CCDC102B: variants seen among roughly 807,000 people sequenced by gnomAD.
CCDC102B encodes the protein coiled-coil domain containing 102B, also known as coiled-coil domain-containing protein 102B.
Under a neutral mutation model 57.4 loss-of-function variants are expected in CCDC102B, and 75 were observed. The observed-to-expected ratio is 1.31, with a 90% confidence interval of 1.08 to 1.58. The LOEUF (loss-of-function observed/expected upper bound fraction) is 1.58, where lower values mean the gene tolerates loss of function less well. Ranked by LOEUF, CCDC102B falls within the 40% of genes most tolerant of loss-of-function variation. CCDC102B has a pLI of 0.00. For missense variants in CCDC102B, 636 were observed against 582.6 expected (o/e 1.09, Z -0.94); for synonymous variants, 206 against 201.9 (o/e 1.02, Z -0.17).
chr18:68,840,905 T>C (rs1303841039), intron 3 of CCDC102B, among the ~76,000 whole-genome samples: 1 of 152,204 alleles, frequency 6.6e-6, no homozygotes, highest in Non-Finnish European at 1.5e-5. Context: ...AAGTACATTC[T>C]GCAGTTCTCA....
rs1568352489 is a variant in CCDC102B, at chr18:68,956,472, TTATATATATATAATATATATATA to T, written c.1264-54461_1264-54439del. ...ATATATTATATATTTTATATATATA[TTATATATATATAATATATATATA>T]AAATATATAATATATATATCGCATA... On this transcript the variant is annotated intron_variant, in intron 6 of 7. Coordinates refer to ENST00000360242, the MANE Select transcript of CCDC102B (RefSeq NM_024781.3). Among the ~76,000 whole-genome samples the T allele has an allele frequency of 9.0e-4, 60 of 66,714 alleles. 3 individuals are homozygous for T. The highest frequency in any genetic ancestry group is 5.8e-3 in the African/African-American group (60 of 10,326). The allele number at this position is 66,714 out of a possible 152,430, so 43.8% of individuals were successfully genotyped here.
At chr18:68,790,573 G>A (rs1229366999) in intron 2 of CCDC102B, among the ~76,000 whole-genome samples, 1 of 152,200 alleles carries the variant, frequency 6.6e-6, no homozygotes, top group African/African-American at 2.4e-5. Context: ...CAGTATTCGG[G>A]TGGGAGTGAC....
chr18:68,911,477 G>C (rs550042388), intron 6 of CCDC102B, among the ~76,000 whole-genome samples: 1 of 150,802 alleles, frequency 6.6e-6, no homozygotes, highest in Admixed American at 6.6e-5. Flanking sequence ...AAAAGGCCGG[G>C]CGCGGTGGCT....
intron 2 of CCDC102B, among the ~76,000 whole-genome samples, chr18:68,736,752 G>A (rs1293336456): frequency 6.6e-6 from 1 of 152,016 alleles, no homozygotes; most frequent in African/African-American, 2.4e-5. Context: ...AGAATAGCAC[G>A]GGAAAGACCG....
At chr18:68,837,414 T>C in intron 2 of CCDC102B, 45 bp downstream of exon 2, 1 of 1,548,498 alleles carries the variant, frequency 6.5e-7, no homozygotes, top group Non-Finnish European at 8.7e-7. Context: ...GAAGGTCATA[T>C]ATAGTGATGG....
chr18:69,005,937 T>A (rs1198144862), intron 6 of CCDC102B, among the ~76,000 whole-genome samples: 1 of 151,876 alleles, frequency 6.6e-6, no homozygotes, highest in African/African-American at 2.4e-5. Context: ...ATTTACAGAG[T>A]TTTACATGCT....
chr18:68,821,765 G>C (rs2036700376), intron 1 of CCDC102B, among the ~76,000 whole-genome samples: 1 of 151,678 alleles, frequency 6.6e-6, no homozygotes, highest in Non-Finnish European at 1.5e-5. Context: ...ATGTTAATTA[G>C]TAACTGAAAC....
At chr18:69,012,224 T>G (rs912560053) in intron 7 of CCDC102B, among the ~76,000 whole-genome samples, 3 of 152,192 alleles carry the variant, frequency 2.0e-5, no homozygotes, top group Non-Finnish European at 4.4e-5. Flanking sequence ...TTTATTTTAT[T>G]TTAGTCATTA....
intron 7 of CCDC102B, 111 bp from the exon 8 acceptor site, chr18:69,053,919 C>G: frequency 1.2e-6 from 1 of 811,664 alleles, no homozygotes; most frequent in Admixed American, 3.4e-5. Context: ...TACTTACAAT[C>G]TATTCTCTTA....
intron 7 of CCDC102B, among the ~76,000 whole-genome samples, chr18:69,013,073 T>A (rs931387641): frequency 2.0e-5 from 3 of 152,030 alleles, no homozygotes; most frequent in African/African-American, 7.2e-5. Context: ...TGCCCCTGTA[T>A]GTTTATTACA....
chr18:69,002,730 GA>G (rs2051238161), intron 6 of CCDC102B, among the ~76,000 whole-genome samples: 1 of 151,978 alleles, frequency 6.6e-6, no homozygotes, highest in Non-Finnish European at 1.5e-5. Context: ...AGATGAAAGT[GA>G]TTTTTTTTTA....
At chr18:69,025,686 A>G (rs7239037) in intron 7 of CCDC102B, among the ~76,000 whole-genome samples, 5,341 of 152,268 alleles carry the variant, frequency 0.035, 329 homozygotes, top group African/African-American at 0.12. Flanking sequence ...AAAGGGAAAA[A>G]TATGATTCTG....
In CCDC102B at chr18:68,853,672, T is replaced by TAAAAAAAAAAAAAAAAAAAAA. The variant is rs71175201; in HGVS notation, c.936+7261_936+7281dup. On this transcript the variant is annotated intron_variant, in intron 4 of 7. Coordinates refer to ENST00000360242, the MANE Select transcript of CCDC102B (RefSeq NM_024781.3). ...CGAATTTTTCTTTATCCCCAAATTGTAAAAAAAAAAAAAAAAAAAAAAAAA... is the reference window on the plus strand; with the variant it reads ...CGAATTTTTCTTTATCCCCAAATTGTAAAAAAAAAAAAAAAAAAAAAAAAAAAAAAAAAAAAAAAAAAAAAA... Among the ~76,000 whole-genome samples the TAAAAAAAAAAAAAAAAAAAAA allele has an allele frequency of 6.6e-4, 62 of 94,642 alleles. 5 individuals are homozygous for TAAAAAAAAAAAAAAAAAAAAA. Among genetic ancestry groups the TAAAAAAAAAAAAAAAAAAAAA allele is most frequent in the African/African-American group, 1.0e-3 (22 of 21,346 alleles). 62.1% of individuals were successfully genotyped at this position (94,642 alleles called of 152,430 possible). A position where few individuals can be genotyped will look rare whatever the true frequency, so the allele number is the denominator to read the frequency against.
In CCDC102B at chr18:68,879,054, G is replaced by A. The variant is rs191595593; in HGVS notation, c.1053+4269G>A. 1.0e-3 allele frequency among the ~76,000 whole-genome samples: 157 copies of A among 152,202 alleles called. 1 individual carries two copies. The highest frequency in any genetic ancestry group is 3.7e-3 in the African/African-American group (153 of 41,524). ...TCGCTGGCTCAGGAGTGAAGCTGCA[G>A]ACCTTCGCGGTGAGTGTTACAGCTC... On this transcript the variant is annotated intron_variant, in intron 5 of 7. Coordinates refer to ENST00000360242, the MANE Select transcript of CCDC102B (RefSeq NM_024781.3).
chr18:69,038,239 C>A (rs1368792618), intron 7 of CCDC102B, among the ~76,000 whole-genome samples: 3 of 151,818 alleles, frequency 2.0e-5, no homozygotes. Context: ...TTAATGTCTG[C>A]AGAATGTTCC....
chr18:69,052,999 A>G (rs928427588), intron 7 of CCDC102B, among the ~76,000 whole-genome samples: 1 of 151,962 alleles, frequency 6.6e-6, no homozygotes, highest in Non-Finnish European at 1.5e-5. Flanking sequence ...TGACTTGAGC[A>G]TATGTGGATT....
chr18:68,874,465 T>TC (rs2039364621), intron 4 of CCDC102B, among the ~76,000 whole-genome samples: 1 of 151,720 alleles, frequency 6.6e-6, no homozygotes, highest in African/African-American at 2.4e-5. Context: ...TTGCTGATTT[T>TC]TTTTTACAGG....
chr18:68,716,789 C>T (rs942702822), intron 2 of CCDC102B, among the ~76,000 whole-genome samples: 7 of 151,874 alleles, frequency 4.6e-5, no homozygotes, highest in African/African-American at 7.3e-5. Context: ...AAAAAATTAG[C>T]CAGATGTGGC....
chr18:68,862,850 C>T (rs1319016872), intron 4 of CCDC102B, among the ~76,000 whole-genome samples: 1 of 151,758 alleles, frequency 6.6e-6, no homozygotes, highest in Non-Finnish European at 1.5e-5. Flanking sequence ...TATAATGAAC[C>T]CCAACGTTTC....
Sources: gnomAD v4.1 joint callset for allele counts (sites outside exome capture counted in the v4.1 genomes callset) on GRCh38, gnomAD v4.1.1 for gene constraint, MANE v1.5 for transcripts, NCBI Gene and HGNC (gene_info 2026-07-23, HGNC 2026-07-21) for gene names.